Variants in REDIC1 observed in about 807,000 individuals in gnomAD.
The protein encoded by REDIC1 is regulator of DNA class I crossover intermediates 1, also known as HEI10 Interacting Protein 1.
the REDIC1 span, among the ~76,000 whole-genome samples, chr12:39,875,890 T>C: frequency 6.6e-6 from 1 of 152,214 alleles, no homozygotes; most frequent in South Asian, 2.1e-4. Context: ...TAAACCTTTA[T>C]GCAGTAGTTT....
At chr12:39,865,853 AC>A in the REDIC1 span, among the ~76,000 whole-genome samples, 1 of 152,328 alleles carries the variant, frequency 6.6e-6, no homozygotes, top group Admixed American at 6.5e-5. Context: ...AATGAAGGGA[AC>A]AACAGACACC....
chr12:39,667,493 G>A, the REDIC1 span, among the ~76,000 whole-genome samples: 1 of 152,128 alleles, frequency 6.6e-6, no homozygotes, highest in South Asian at 2.1e-4. Context: ...CCAACTATGT[G>A]GTCAATTTTG....
chr12:39,731,996 T>C, the REDIC1 span, among the ~76,000 whole-genome samples: 1 of 152,220 alleles, frequency 6.6e-6, no homozygotes, highest in African/African-American at 2.4e-5. Context: ...AGAAGCCCTT[T>C]CATGGGTCCT....
the REDIC1 span, among the ~76,000 whole-genome samples, chr12:39,844,731 C>G: frequency 1.3e-5 from 2 of 152,044 alleles, no homozygotes; most frequent in Admixed American, 6.6e-5. Context: ...CTCTACTCAA[C>G]TCAGTCTGAG....
the REDIC1 span, among the ~76,000 whole-genome samples, chr12:39,728,850 G>T: frequency 2.2e-5 from 3 of 138,542 alleles, no homozygotes; most frequent in African/African-American, 8.0e-5. Flanking sequence ...TGTTATTGGT[G>T]TATTCAAGGA....
chr12:39,895,776 G>A, the REDIC1 span, among the ~76,000 whole-genome samples: 385 of 74,054 alleles, frequency 5.2e-3, 81 homozygotes, highest in African/African-American at 0.013. Flanking sequence ...ACATGTATAT[G>A]CGTGTATACG....
the REDIC1 span, chr12:39,647,719 C>A: frequency 9.0e-7 from 1 of 1,105,120 alleles, no homozygotes; most frequent in Non-Finnish European, 1.2e-6. Context: ...ATTTTAATTT[C>A]ACTATTTTGA....
chr12:39,877,910 T>A, the REDIC1 span, among the ~76,000 whole-genome samples: 23 of 152,184 alleles, frequency 1.5e-4, no homozygotes, highest in Admixed American at 6.5e-5. Context: ...GACGTTTGGA[T>A]CATGGAGGTG....
chr12:39,790,291 A>G, the REDIC1 span, among the ~76,000 whole-genome samples: 3 of 151,096 alleles, frequency 2.0e-5, no homozygotes, highest in African/African-American at 7.3e-5. Context: ...ACATATGTAT[A>G]CATGTGCTGT....
the REDIC1 span, among the ~76,000 whole-genome samples, chr12:39,812,328 C>G: frequency 7.8e-6 from 1 of 128,552 alleles, no homozygotes; most frequent in South Asian, 2.6e-4. Flanking sequence ...CACATTGGGA[C>G]TAATTTCTTT....
the REDIC1 span, among the ~76,000 whole-genome samples, chr12:39,699,040 ATGAAAAAAAGTTGGT>A: frequency 6.6e-6 from 1 of 152,252 alleles, no homozygotes. Flanking sequence ...CAAAGTATCA[ATGAAAAAAAGTTGGT>A]TTTTGAAAAA....
the REDIC1 span, among the ~76,000 whole-genome samples, chr12:39,699,039 A>G: frequency 6.6e-6 from 1 of 152,254 alleles, no homozygotes; most frequent in Non-Finnish European, 1.5e-5. Flanking sequence ...ACAAAGTATC[A>G]ATGAAAAAAA....
chr12:39,874,575 A>G, the REDIC1 span, among the ~76,000 whole-genome samples: 1 of 148,318 alleles, frequency 6.7e-6, no homozygotes, highest in Non-Finnish European at 1.5e-5. Context: ...AGATCACACC[A>G]TTGCACTCCA....
chr12:39,784,649 G>C, the REDIC1 span, among the ~76,000 whole-genome samples: 3 of 152,128 alleles, frequency 2.0e-5, no homozygotes, highest in African/African-American at 7.2e-5. Flanking sequence ...CAATACCATT[G>C]AGGACATAGG....
At chr12:39,712,705 ATG>A in the REDIC1 span, among the ~76,000 whole-genome samples, 348 of 4,822 alleles carry the variant, frequency 0.072, 1 homozygote, top group African/African-American at 0.28. Context: ...ACGTGTATAT[ATG>A]TATATAGACG....
chr12:39,859,852 A>C, the REDIC1 span, among the ~76,000 whole-genome samples: 1 of 152,238 alleles, frequency 6.6e-6, no homozygotes, highest in South Asian at 2.1e-4. Context: ...AAAAAGAAAA[A>C]GTATAATGAA....
chr12:39,867,416 GC>G, the REDIC1 span, among the ~76,000 whole-genome samples: 12 of 151,752 alleles, frequency 7.9e-5, no homozygotes, highest in Non-Finnish European at 5.9e-5. Flanking sequence ...GAATGGATGG[GC>G]CACCATACTA....
the REDIC1 span, among the ~76,000 whole-genome samples, chr12:39,747,455 G>A: frequency 3.9e-5 from 6 of 152,236 alleles, no homozygotes; most frequent in Non-Finnish European, 7.3e-5. Flanking sequence ...TCTGATTGGT[G>A]TACCTGAAAG....
At chr12:39,894,695 T>C in the REDIC1 span, among the ~76,000 whole-genome samples, 1 of 152,298 alleles carries the variant, frequency 6.6e-6, no homozygotes, top group East Asian at 1.9e-4. Flanking sequence ...GCAGATATGA[T>C]CAATCATTAA....
Sources: allele counts gnomAD v4.1 joint callset (sites outside exome capture counted in the v4.1 genomes callset), GRCh38; gene constraint gnomAD v4.1.1; transcripts MANE v1.5; gene names NCBI Gene and HGNC (gene_info 2026-07-23, HGNC 2026-07-21).